ADAMTS10: variants seen among roughly 807,000 people sequenced by gnomAD.
ADAMTS10 encodes A disintegrin and metalloproteinase with thrombospondin motifs 10.
Under a neutral mutation model 135.9 loss-of-function variants are expected in ADAMTS10, and 48 were observed. That is an observed-to-expected ratio of 0.35 (90% CI 0.28 to 0.45). The LOEUF (loss-of-function observed/expected upper bound fraction) is 0.45, where lower values mean the gene tolerates loss of function less well. Among genes scored for constraint, ADAMTS10 ranks in the 20% least tolerant of loss-of-function variants. ADAMTS10 has a pLI of 1.00. For missense variants in ADAMTS10, 1,131 were observed against 1,565.2 expected (o/e 0.72, Z 4.68); for synonymous variants, 621 against 647.5 (o/e 0.96, Z 0.62).
chr19:8,581,233 T>A (rs2042346495), intron 25 of ADAMTS10: 1 of 329,162 alleles, frequency 3.0e-6, no homozygotes, highest in South Asian at 3.9e-5. Context: ...CACCTCAGCC[T>A]CCTAAGTAGT....
chr19:8,590,369 GTTCAAGCAA>G (rs2042506735), intron 15 of ADAMTS10, among the ~76,000 whole-genome samples: 1 of 152,170 alleles, frequency 6.6e-6, no homozygotes, highest in Admixed American at 6.6e-5. Context: ...CATCTCCTGG[GTTCAAGCAA>G]TTCTTCTGCC....
chr19:8,580,571 G>A lies in ADAMTS10; in HGVS notation c.*322C>T, dbSNP rs886054708. The A allele has an allele frequency of 1.5e-5, 5 of 334,050 alleles. No homozygotes were observed. The highest frequency in any genetic ancestry group is 7.7e-5 in the South Asian group (3 of 39,072). The allele number at this position is 334,050 out of a possible 1,614,324, so 20.7% of individuals were successfully genotyped here. ...CACAGTACATATTCCGATCAAAGGA[G>A]GGGGGGAGTGTTGGGGACTCCCTAA... On this transcript the variant is annotated 3_prime_UTR_variant, in exon 26 of 26. Transcript: ENST00000597188.
chr19:8,594,326 T>C (rs571642491), intron 12 of ADAMTS10, among the ~76,000 whole-genome samples: 36 of 152,244 alleles, frequency 2.4e-4, no homozygotes, highest in African/African-American at 8.4e-4. Context: ...CGTGACAGGA[T>C]AGATAAGAAA....
rs1555735616 is a variant in ADAMTS10 at position 8,580,868 on chromosome 19, T to G, written c.*25A>C. The G allele has an allele frequency of 1.9e-6, 3 of 1,564,650 alleles. No homozygotes were observed. Among genetic ancestry groups the G allele is most frequent in the Non-Finnish European group, 2.6e-6 (3 of 1,149,820 alleles). On this transcript the variant is annotated 3_prime_UTR_variant, in exon 26 of 26. Transcript: ENST00000597188. The stretch of plus-strand genomic sequence containing the variant: ...GGCTGGCGGCGGAGACCCCGCCAGC[T>G]GTGGCTCCGGGTGCCGCGCGCCCCC...
In ADAMTS10 at chr19:8,580,589, C is replaced by T. The variant is rs2042330367; in HGVS notation, c.*304G>A. ...CAAAGGAGGGGGGGAGTGTTGGGGA[C>T]TCCCTAAGGGTGGGTTCAAAGGGTG... On this transcript the variant is annotated 3_prime_UTR_variant, in exon 26 of 26. Coordinates refer to ENST00000597188, the MANE Select transcript of ADAMTS10 (RefSeq NM_030957.4). 2 of 366,340 alleles carry T rather than the reference C, an allele frequency of 5.5e-6. No homozygotes were observed. The highest frequency in any genetic ancestry group is 1.0e-5 in the Non-Finnish European group (2 of 191,004). The allele number at this position is 366,340 out of a possible 1,614,324, so 22.7% of individuals were successfully genotyped here.
chr19:8,599,577 C>T (rs2042640876), intron 6 of ADAMTS10, among the ~76,000 whole-genome samples: 1 of 151,910 alleles, frequency 6.6e-6, no homozygotes, highest in Non-Finnish European at 1.5e-5. Flanking sequence ...GTGATCCACC[C>T]ACCTTGGCCT....
At chr19:8,597,437 G>A in intron 6 of ADAMTS10, 120 bp from the exon 7 acceptor site, 3 of 853,058 alleles carry the variant, frequency 3.5e-6, no homozygotes, top group Non-Finnish European at 3.8e-6. Flanking sequence ...CGGGTCTTAG[G>A]CTAAACCTGC....
intron 4 of ADAMTS10, among the ~76,000 whole-genome samples, chr19:8,604,443 A>G (rs2042698243): frequency 6.8e-6 from 1 of 147,734 alleles, no homozygotes; most frequent in Middle Eastern, 3.6e-3. Flanking sequence ...ACATACACAT[A>G]TATAATTATA....
At chr19:8,582,040 C>A (rs1555735986) in intron 25 of ADAMTS10, among the ~76,000 whole-genome samples, 1 of 150,048 alleles carries the variant, frequency 6.7e-6, no homozygotes, top group African/African-American at 2.4e-5. Context: ...AACAAACAAA[C>A]AAACAAACAA....
Position 8,605,277 on chromosome 19 carries a change from G to A in ADAMTS10, c.170C>T (p.Ser57Leu), listed in dbSNP as rs550484994. Residue 57 changes from serine (S) to leucine (L), a missense_variant, in exon 4 of 26, where the codon TCG becomes TTG. Around this residue, in one of 3 missense-constraint regions of ADAMTS10, gnomAD observed 306 missense variants for 344.4 expected, o/e 0.89. Transcript: ENST00000597188. The surrounding 1 kb of genome is among the most constrained non-coding windows in gnomAD (Gnocchi z 7.7). ...VDHNGALLAFSPPPPRRQRRG... is the reference protein window; with the variant it reads ...VDHNGALLAFLPPPPRRQRRG... ...GCGCTGCCTCCGGGGAGGAGGTGGCGAGAAGGCCAGCAGTGCCCCGTTGTG... is the reference window on the plus strand; with the variant it reads ...GCGCTGCCTCCGGGGAGGAGGTGGCAAGAAGGCCAGCAGTGCCCCGTTGTG... 30 of 1,612,478 alleles carry A rather than the reference G, an allele frequency of 1.9e-5. No individual in the cohort carries two copies. The South Asian group carries it at 2.0e-4, about 11-fold the overall frequency.
chr19:8,603,528 C>A (rs879978701), intron 5 of ADAMTS10, among the ~76,000 whole-genome samples, 200 bp downstream of exon 5: 1 of 152,196 alleles, frequency 6.6e-6, no homozygotes, highest in African/African-American at 2.4e-5. Context: ...CCCACCTCGG[C>A]CTCCCAAGGT....
intron 12 of ADAMTS10, 45 bp downstream of exon 12, chr19:8,595,717 G>A (rs1448612818): frequency 6.3e-6 from 6 of 950,880 alleles, no homozygotes; most frequent in East Asian, 4.6e-5. Context: ...CAGCCCCAGC[G>A]GCCCCCTCCC....
chr19:8,604,678 G>A (rs1555742141), intron 4 of ADAMTS10, among the ~76,000 whole-genome samples: 1 of 151,484 alleles, frequency 6.6e-6, no homozygotes, highest in Admixed American at 6.6e-5. Flanking sequence ...TAGAGATGGG[G>A]TTTCACCATG....
chr19:8,595,498 T>G (rs1283944245), intron 12 of ADAMTS10: 1 of 506,440 alleles, frequency 2.0e-6, no homozygotes, highest in Non-Finnish European at 3.6e-6. Context: ...AGACAGAAGC[T>G]GGCCCCCCAG....
At position 8,603,811 on chromosome 19, in the gene ADAMTS10, C is replaced by G. The variant is rs782682218; in HGVS notation, c.509G>C (p.Ser170Thr). ...CACATGTGGTCCACTTTCCTCCGGG[C>G]TCCGAGAACCCTTGGGCCCACCGTG... The part of the protein sequence containing the change: ...PLHGGPKGSR[S>T]PEESGPHVVY... Residue 170 changes from serine to threonine, a missense_variant, in exon 5 of 26, where the codon AGC (serine) becomes ACC (threonine). Physicochemically the swap from Ser to Thr is moderately conservative, Grantham distance 58 (BLOSUM62 1). Transcript: ENST00000597188. 1.6e-4 allele frequency: 265 copies of G among 1,613,978 alleles called. No individual in the cohort carries two copies. The highest frequency in any genetic ancestry group is 2.2e-4 in the Non-Finnish European group (259 of 1,180,042).
chr19:8,596,259 C>T lies in ADAMTS10; in HGVS notation c.1191-40G>A. On this transcript the variant is annotated intron_variant, in intron 10 of 25. Coordinates refer to ENST00000597188, the MANE Select transcript of ADAMTS10 (RefSeq NM_030957.4). The surrounding 1 kb of genome is among the most constrained non-coding windows in gnomAD (Gnocchi z 7.2). ...GTCGGCTCTGCCGGGCGCTGAGGGA[C>T]CCGCCCAGCTCCTCCCCTCCTCCCC... 6.2e-7 allele frequency: 1 copy of T among 1,612,908 alleles called. No homozygotes were observed. Among genetic ancestry groups the T allele is most frequent in the Non-Finnish European group, 8.5e-7 (1 of 1,180,022 alleles).
chr19:8,595,710 CCCCAGCGG>C, intron 12 of ADAMTS10, 44 bp downstream of exon 12: 1 of 1,385,632 alleles, frequency 7.2e-7, no homozygotes, highest in Non-Finnish European at 1.0e-6. Flanking sequence ...CCTCCCCCAG[CCCCAGCGG>C]CCCCCTCCCC....
chr19:8,586,922 C>G, intron 18 of ADAMTS10, 26 bp from the exon 19 acceptor site: 1 of 1,613,696 alleles, frequency 6.2e-7, no homozygotes, highest in Non-Finnish European at 8.5e-7. Flanking sequence ...CAGATGTCAC[C>G]CACTTGGCAT....
At chr19:8,600,794 G>A (rs916377814) in intron 6 of ADAMTS10, 134 bp downstream of exon 6, 39 of 1,163,492 alleles carry the variant, frequency 3.4e-5, no homozygotes, top group African/African-American at 7.6e-5. Flanking sequence ...CACCGCGCCC[G>A]GCCTGCAACC....
Sources: gnomAD v4.1 joint callset for allele counts (sites outside exome capture counted in the v4.1 genomes callset) on GRCh38, gnomAD v4.1.1 for gene constraint, gnomAD v4.1.1 regional missense constraint, Gnocchi (gnomAD v3.1) non-coding constraint, MANE v1.5 for transcripts, NCBI Gene and HGNC (gene_info 2026-07-23, HGNC 2026-07-21) for gene names.